The following SSBP2 variants were observed in gnomAD, a reference collection of about 807,000 sequenced individuals.
SSBP2 encodes the protein single stranded DNA binding protein 2.
SSBP2 carries 17 observed loss-of-function variants against 61.8 expected under a neutral mutation model. The ratio of observed to expected loss-of-function variants is 0.28; its 90% CI spans 0.19 to 0.41. SSBP2 has a LOEUF of 0.41. Ranked by LOEUF, SSBP2 falls within the 10% of genes least tolerant of loss-of-function variation. SSBP2 has a pLI of 1.00. For missense variants in SSBP2, 310 were observed against 458.7 expected, an observed-to-expected ratio of 0.68 and a Z score of 2.96; for synonymous variants, 139 against 141.3, an observed-to-expected ratio of 0.98 and a Z score of 0.12.
chr5:81,571,287 T>C (rs1239335655), intron 4 of SSBP2, among the ~76,000 whole-genome samples: 1 of 152,250 alleles, frequency 6.6e-6, no homozygotes, highest in Non-Finnish European at 1.5e-5. Context: ...GTTTTTTCTT[T>C]TCATTTTCTC....
At chr5:81,743,371 A>C (rs891676091) in intron 1 of SSBP2, among the ~76,000 whole-genome samples, 2 of 152,146 alleles carry the variant, frequency 1.3e-5, no homozygotes, top group African/African-American at 4.8e-5. Flanking sequence ...CTCCTCCAAG[A>C]ACCTTCCCGA....
intron 16 of SSBP2, among the ~76,000 whole-genome samples, chr5:81,421,557 C>T (rs1463150848): frequency 6.6e-6 from 1 of 152,050 alleles, no homozygotes; most frequent in Non-Finnish European, 1.5e-5. Flanking sequence ...TACATGCGGA[C>T]TTGTCAGTTT....
chr5:81,608,206 G>A (rs1321286222), intron 4 of SSBP2, among the ~76,000 whole-genome samples: 1 of 151,966 alleles, frequency 6.6e-6, no homozygotes, highest in African/African-American at 2.4e-5. Context: ...CATATCATCA[G>A]CCACATTAAT....
intron 1 of SSBP2, among the ~76,000 whole-genome samples, chr5:81,668,289 A>C (rs1359813373): frequency 6.6e-6 from 1 of 151,542 alleles, no homozygotes; most frequent in African/African-American, 2.4e-5. Context: ...AAAAGGAAAA[A>C]AAGTTTTTTC....
At chr5:81,589,800 G>C (rs186860723) in intron 4 of SSBP2, among the ~76,000 whole-genome samples, 159 of 152,212 alleles carry the variant, frequency 1.0e-3, no homozygotes, top group African/African-American at 3.5e-3. Context: ...GGCTATATCT[G>C]GTGAGGGCCT....
intron 1 of SSBP2, among the ~76,000 whole-genome samples, chr5:81,701,097 C>T (rs1206449741): frequency 6.6e-6 from 1 of 152,152 alleles, no homozygotes; most frequent in African/African-American, 2.4e-5. Flanking sequence ...TAGGCTTAAT[C>T]GTTTCTAGCT....
At chr5:81,655,634 T>G (rs1750145045) in intron 1 of SSBP2, among the ~76,000 whole-genome samples, 1 of 152,132 alleles carries the variant, frequency 6.6e-6, no homozygotes, top group Non-Finnish European at 1.5e-5. Context: ...CACAGGCGCC[T>G]AAACTTTAAA....
intron 1 of SSBP2, among the ~76,000 whole-genome samples, chr5:81,748,937 G>C (rs1189877417): frequency 1.3e-5 from 2 of 151,960 alleles, no homozygotes; most frequent in Non-Finnish European, 2.9e-5. Context: ...ATACTGAGTG[G>C]GATTCAACTA....
At chr5:81,716,200 T>C (rs1029687141) in intron 1 of SSBP2, among the ~76,000 whole-genome samples, 1 of 151,634 alleles carries the variant, frequency 6.6e-6, no homozygotes, top group Non-Finnish European at 1.5e-5. Flanking sequence ...TTTATGACAA[T>C]AAACACCAAA....
At chr5:81,486,916 T>C (rs888405562) in intron 6 of SSBP2, among the ~76,000 whole-genome samples, 4 of 152,216 alleles carry the variant, frequency 2.6e-5, no homozygotes, top group South Asian at 4.1e-4. Context: ...TGAATCTGAG[T>C]GCTGGCACTT....
At chr5:81,708,215 C>A (rs1754530785) in intron 1 of SSBP2, among the ~76,000 whole-genome samples, 1 of 152,086 alleles carries the variant, frequency 6.6e-6, no homozygotes, top group South Asian at 2.1e-4. Flanking sequence ...AGGGTCTCTG[C>A]CTTCAAGGAG....
intron 1 of SSBP2, among the ~76,000 whole-genome samples, chr5:81,711,317 T>C (rs1176567365): frequency 6.6e-6 from 1 of 152,140 alleles, no homozygotes; most frequent in Non-Finnish European, 1.5e-5. Flanking sequence ...CAATGAAATA[T>C]CTATTCCAAA....
intron 6 of SSBP2, among the ~76,000 whole-genome samples, chr5:81,483,764 T>TACAC (rs531570279): frequency 0.02 from 2,987 of 149,314 alleles, 83 homozygotes; most frequent in African/African-American, 0.06. Flanking sequence ...CATATATATA[T>TACAC]ACACACACAC....
chr5:81,473,840 C>T, intron 7 of SSBP2, 70 bp from the exon 8 acceptor site: 2 of 1,378,086 alleles, frequency 1.5e-6, no homozygotes, highest in South Asian at 2.3e-5. Flanking sequence ...GCAGCTTCCT[C>T]CCTCCTGGGT....
intron 6 of SSBP2, among the ~76,000 whole-genome samples, chr5:81,477,817 A>C (rs936076317): frequency 1.3e-5 from 2 of 152,194 alleles, no homozygotes; most frequent in African/African-American, 4.8e-5. Context: ...ATGTGTATTG[A>C]GGGAATAAAA....
intron 4 of SSBP2, among the ~76,000 whole-genome samples, chr5:81,612,718 A>G (rs1745573542): frequency 6.6e-6 from 1 of 152,104 alleles, no homozygotes; most frequent in Non-Finnish European, 1.5e-5. Context: ...GCTACTGAAG[A>G]AAGTATTTTT....
intron 1 of SSBP2, among the ~76,000 whole-genome samples, chr5:81,683,109 T>C (rs532814028): frequency 1.0e-3 from 153 of 152,256 alleles, no homozygotes; most frequent in Non-Finnish European, 1.8e-3. Flanking sequence ...ATAGAGTCAA[T>C]GCAATCCCAA....
Position 81,552,069 on chromosome 5 carries a change from A to C in SSBP2, c.283-38352T>G, listed in dbSNP as rs150963006. Among the ~76,000 whole-genome samples, 40 of 152,316 alleles carry C rather than the reference A, an allele frequency of 2.6e-4. No homozygotes were observed. The East Asian group carries it at 6.9e-3, about 26-fold the overall frequency. On this transcript the variant is annotated intron_variant, in intron 4 of 16. Coordinates refer to ENST00000320672, the MANE Select transcript of SSBP2 (RefSeq NM_012446.5). ...AGTTACATTCACTTGACATTAGGAAAATATTGGATATGGCTTATTTTGTTT... is the reference window on the plus strand; with the variant it reads ...AGTTACATTCACTTGACATTAGGAACATATTGGATATGGCTTATTTTGTTT...
intron 15 of SSBP2, among the ~76,000 whole-genome samples, chr5:81,434,232 G>A (rs1257917740): frequency 1.3e-5 from 2 of 152,016 alleles, no homozygotes; most frequent in Non-Finnish European, 2.9e-5. Flanking sequence ...AATTGAAGTA[G>A]TACTTATACA....
Sources: gnomAD v4.1 joint callset for allele counts (sites outside exome capture counted in the v4.1 genomes callset) on GRCh38, gnomAD v4.1.1 for gene constraint, MANE v1.5 for transcripts, NCBI Gene and HGNC (gene_info 2026-07-23, HGNC 2026-07-21) for gene names.